PRDM16: variants seen among roughly 807,000 people sequenced by gnomAD.
PRDM16 encodes the protein PR/SET domain 16, also known as histone-lysine N-methyltransferase PRDM16.
PRDM16 carries 23 observed loss-of-function variants against 110.6 expected under a neutral mutation model. The ratio of observed to expected loss-of-function variants is 0.21; its 90% confidence interval spans 0.15 to 0.29. PRDM16 has a LOEUF of 0.29. PRDM16 is among the 10% of genes least tolerant of loss of function. PRDM16 has a pLI of 1.00. For missense variants in PRDM16, 1,615 were observed against 1,794.3 expected (o/e 0.90, Z 1.81); for synonymous variants, 799 against 781.8 (o/e 1.02, Z -0.37).
At chr1:3,380,688 G>A (rs769218120) in intron 3 of PRDM16, among the ~76,000 whole-genome samples, 7 of 152,186 alleles carry the variant, frequency 4.6e-5, no homozygotes, top group Admixed American at 1.3e-4. Flanking sequence ...GTTTACCCTG[G>A]CAGGGGAGGG....
chr1:3,087,212 G>A (rs1642170199), intron 1 of PRDM16, among the ~76,000 whole-genome samples: 1 of 103,690 alleles, frequency 9.6e-6, no homozygotes, highest in Admixed American at 1.1e-4. Context: ...AGCCCCACCC[G>A]AGACCAGCCC....
intron 3 of PRDM16, among the ~76,000 whole-genome samples, chr1:3,262,620 G>T (rs1317184329): frequency 6.6e-6 from 1 of 152,240 alleles, no homozygotes; most frequent in Admixed American, 6.5e-5. Flanking sequence ...GGTCCTTGCT[G>T]AGGGGTTTTG....
rs569887928 is a variant in PRDM16, at chr1:3,215,438, A to T, written c.388-28649A>T. 2.0e-4 allele frequency among the ~76,000 whole-genome samples: 26 copies of T among 127,684 alleles called. No individual in the cohort carries two copies. The East Asian group carries it at 5.3e-3, about 26-fold the overall frequency. 83.8% of individuals were successfully genotyped at this position (127,684 alleles called of 152,430 possible). ...CAGGCAAGGCCTATTGGGGTCCAGGAGAACAGAGCCTCCAGGAGGGTCATG... is the reference window on the plus strand; with the variant it reads ...CAGGCAAGGCCTATTGGGGTCCAGGTGAACAGAGCCTCCAGGAGGGTCATG... On this transcript the variant is annotated intron_variant, in intron 2 of 16. Transcript: ENST00000270722.
intron 2 of PRDM16, among the ~76,000 whole-genome samples, chr1:3,242,421 A>G (rs931690458): frequency 6.6e-6 from 1 of 152,174 alleles, no homozygotes; most frequent in African/African-American, 2.4e-5. Flanking sequence ...GAGCTCCAGC[A>G]CCACCACTGG....
chr1:3,360,100 T>C (rs918013577), intron 3 of PRDM16, among the ~76,000 whole-genome samples: 10 of 147,042 alleles, frequency 6.8e-5, no homozygotes, highest in African/African-American at 2.7e-4. Context: ...AACACTTCTT[T>C]TATCTCATCG....
At position 3,248,163 on chromosome 1, in the gene PRDM16, A is replaced by G. The variant is rs1363640774; in HGVS notation, c.438+4026A>G. 2.6e-5 allele frequency among the ~76,000 whole-genome samples: 4 copies of G among 152,346 alleles called. No individual in the cohort carries two copies. The East Asian group carries it at 7.7e-4, about 29-fold the overall frequency. On this transcript the variant is annotated intron_variant, in intron 3 of 16. Transcript: ENST00000270722. ...GGATAGACATTTGGCAAAAGGCTTA[A>G]ATTTATTCTTTGACTTTCTGGAGGG...
At chr1:3,388,309 T>G (rs1471142820) in intron 4 of PRDM16, among the ~76,000 whole-genome samples, 2 of 151,100 alleles carry the variant, frequency 1.3e-5, no homozygotes, top group African/African-American at 4.9e-5. Flanking sequence ...TCTCTCTTTC[T>G]CTGTCTCTCT....
chr1:3,432,291 C>T (rs1011508558), intron 16 of PRDM16, 151 bp downstream of exon 16: 54 of 609,880 alleles, frequency 8.9e-5, no homozygotes, highest in South Asian at 1.3e-4. Flanking sequence ...GAGGCCCCAG[C>T]GACCACCGCC....
chr1:3,173,739 G>T (rs1644054866), intron 1 of PRDM16, among the ~76,000 whole-genome samples: 1 of 152,236 alleles, frequency 6.6e-6, no homozygotes, highest in Non-Finnish European at 1.5e-5. Context: ...GGCCCCTGGT[G>T]GGGTGAATGG....
At chr1:3,332,734 C>A (rs115692861) in intron 3 of PRDM16, among the ~76,000 whole-genome samples, 1 of 151,860 alleles carries the variant, frequency 6.6e-6, no homozygotes, top group Non-Finnish European at 1.5e-5. Flanking sequence ...CACTCCCCAC[C>A]GCCCGTCCCC....
chr1:3,135,857 C>T (rs529521267), intron 1 of PRDM16, among the ~76,000 whole-genome samples: 1 of 152,366 alleles, frequency 6.6e-6, no homozygotes, highest in African/African-American at 2.4e-5. Flanking sequence ...CTGCGCCCTC[C>T]CCTGAGACTC....
intron 1 of PRDM16, among the ~76,000 whole-genome samples, chr1:3,084,358 G>A (rs534781576): frequency 6.6e-6 from 1 of 152,282 alleles, no homozygotes; most frequent in East Asian, 1.9e-4. Context: ...CCAGTAAGAA[G>A]ATTCCAGGGA....
At chr1:3,132,829 A>G (rs896772517) in intron 1 of PRDM16, 1 of 152,230 alleles carries the variant, frequency 6.6e-6, no homozygotes, top group East Asian at 1.9e-4. Flanking sequence ...TTAGATAAAA[A>G]GCCCTCGTCA....
At position 3,245,520 on chromosome 1, in the gene PRDM16, G is replaced by A. The variant is rs1271251041; in HGVS notation, c.438+1383G>A. ...GGGCCTCCGGAAACTGGGTGAACTG[G>A]TTCCCGTGTCCCTCCCCGTCGCTGG... On this transcript the variant is annotated intron_variant, in intron 3 of 16. Transcript: ENST00000270722. This position sits in a 1 kb window ranked among gnomAD's most constrained non-coding sequence, Gnocchi z 4.7. 6.6e-6 allele frequency among the ~76,000 whole-genome samples: 1 copy of A among 152,188 alleles called. No individual in the cohort carries two copies. The highest frequency in any genetic ancestry group is 1.5e-5 in the Non-Finnish European group (1 of 68,038).
At chr1:3,421,533 G>A (rs558776620) in intron 12 of PRDM16, among the ~76,000 whole-genome samples, 2 of 152,292 alleles carry the variant, frequency 1.3e-5, no homozygotes, top group African/African-American at 4.8e-5. Flanking sequence ...GCAGCCCTGG[G>A]CTCACGGCTC....
intron 3 of PRDM16, among the ~76,000 whole-genome samples, chr1:3,317,885 G>A (rs147549944): frequency 6.6e-6 from 1 of 152,356 alleles, no homozygotes; most frequent in African/African-American, 2.4e-5. Context: ...TTTCCTCTTT[G>A]TAATGCACTA....
rs759718564 is a variant in PRDM16, at chr1:3,157,243, G to A, written c.38-28882G>A. 1.3e-5 allele frequency among the ~76,000 whole-genome samples: 2 copies of A among 152,152 alleles called. No individual in the cohort carries two copies. Among genetic ancestry groups the A allele is most frequent in the Admixed American group, 6.6e-5 (1 of 15,266 alleles). ...GCCCTCAGGGAGCGTGGCCAGATCC[G>A]GCAGATGAAATCCAGGACACCCAGT... On this transcript the variant is annotated intron_variant, in intron 1 of 16. Transcript: ENST00000270722. This position sits in a 1 kb window ranked among gnomAD's most constrained non-coding sequence, Gnocchi z 4.8.
At chr1:3,352,423 C>T (rs904399331) in intron 3 of PRDM16, among the ~76,000 whole-genome samples, 4 of 152,242 alleles carry the variant, frequency 2.6e-5, no homozygotes, top group African/African-American at 7.2e-5. Context: ...CCGGCGCCCC[C>T]CTTGCTGCCC....
At chr1:3,433,266 G>T (rs960139014) in intron 16 of PRDM16, among the ~76,000 whole-genome samples, 3 of 152,250 alleles carry the variant, frequency 2.0e-5, no homozygotes, top group Non-Finnish European at 4.4e-5. Context: ...CCCTCCCGCC[G>T]TCACGCCTGC....
Sources: allele counts gnomAD v4.1 joint callset (sites outside exome capture counted in the v4.1 genomes callset), GRCh38; gene constraint gnomAD v4.1.1; non-coding constraint Gnocchi (gnomAD v3.1); transcripts MANE v1.5; gene names NCBI Gene and HGNC (gene_info 2026-07-23, HGNC 2026-07-21).